RABGAP1L: variants seen among roughly 807,000 people sequenced by gnomAD.
RABGAP1L encodes RAB GTPase activating protein 1 like, also known as rab GTPase-activating protein 1-like.
A neutral mutation model predicts 137.7 loss-of-function variants in RABGAP1L; 63 were observed. That is an observed-to-expected ratio of 0.46 (90% confidence interval 0.37 to 0.56). The LOEUF is 0.56. RABGAP1L is among the 20% of genes least tolerant of loss of function. The probability of loss-of-function intolerance (pLI) is 0.00; values close to 1 mark genes in which losing one functional copy is unlikely to be tolerated. For missense variants in RABGAP1L, 1,095 were observed against 1,244.0 expected (o/e 0.88, Z 1.80); for synonymous variants, 431 against 433.7 (o/e 0.99, Z 0.08).
intron 9 of RABGAP1L, 149 bp from the exon 10 acceptor site, chr1:174,278,464 A>C: frequency 1.7e-6 from 1 of 604,060 alleles, no homozygotes; most frequent in Non-Finnish European, 2.8e-6. Flanking sequence ...ATACTTATTT[A>C]ATCAAAATGT....
chr1:174,972,248 A>G (rs939861361), intron 21 of RABGAP1L, among the ~76,000 whole-genome samples: 3 of 152,234 alleles, frequency 2.0e-5, no homozygotes, highest in African/African-American at 7.2e-5. Flanking sequence ...CACCATAGCA[A>G]GTTCTGTTAG....
intron 4 of RABGAP1L, among the ~76,000 whole-genome samples, chr1:174,233,183 C>T (rs956451563): frequency 2.0e-5 from 3 of 152,070 alleles, no homozygotes; most frequent in Admixed American, 1.3e-4. Context: ...TTCTGTCTCC[C>T]TCCTCCCTTC....
chr1:174,941,457 T>C (rs1665859580), intron 19 of RABGAP1L, among the ~76,000 whole-genome samples: 2 of 152,200 alleles, frequency 1.3e-5, no homozygotes. Flanking sequence ...TGATTAGAAA[T>C]ACCATACAGG....
chr1:174,811,049 C>A (rs1689824732), intron 18 of RABGAP1L, among the ~76,000 whole-genome samples: 1 of 152,078 alleles, frequency 6.6e-6, no homozygotes, highest in African/African-American at 2.4e-5. Context: ...TTGCAGGGAG[C>A]CATGATTGCA....
intron 19 of RABGAP1L, among the ~76,000 whole-genome samples, chr1:174,834,727 AATAC>A (rs1220115528): frequency 1.3e-5 from 2 of 152,004 alleles, no homozygotes; most frequent in African/African-American, 4.8e-5. Context: ...TTTATATGCA[AATAC>A]ATTTCATCAT....
chr1:174,756,987 C>T, intron 18 of RABGAP1L: 2 of 928,356 alleles, frequency 2.2e-6, no homozygotes, highest in Non-Finnish European at 3.3e-6. Context: ...TGGCCAAGGA[C>T]AACATAGGCC....
At chr1:174,755,708 A>ATATG (rs1013430920) in intron 18 of RABGAP1L, among the ~76,000 whole-genome samples, 23 of 152,208 alleles carry the variant, frequency 1.5e-4, no homozygotes, top group African/African-American at 5.1e-4. Context: ...ACATATGTAT[A>ATATG]TATGTATGTA....
chr1:174,197,452 G>T (rs770237233), intron 1 of RABGAP1L, among the ~76,000 whole-genome samples: 1 of 152,224 alleles, frequency 6.6e-6, no homozygotes, highest in African/African-American at 2.4e-5. Context: ...GGTGAAAGGA[G>T]CCCCTGAGTT....
chr1:174,858,998 G>T (rs552158531), intron 19 of RABGAP1L, among the ~76,000 whole-genome samples: 1 of 152,224 alleles, frequency 6.6e-6, no homozygotes, highest in African/African-American at 2.4e-5. Context: ...AAAAGATAGT[G>T]TGGCGATTCC....
chr1:174,533,813 G>A (rs749535343), intron 13 of RABGAP1L, among the ~76,000 whole-genome samples: 2 of 152,040 alleles, frequency 1.3e-5, no homozygotes, highest in Non-Finnish European at 2.9e-5. Flanking sequence ...TGGGATTACA[G>A]GTGCCCGCCA....
chr1:174,527,882 T>C (rs562319516), intron 13 of RABGAP1L, among the ~76,000 whole-genome samples: 40 of 150,704 alleles, frequency 2.7e-4, no homozygotes, highest in African/African-American at 9.1e-4. Context: ...GAATAATTAC[T>C]TTATCATTAT....
intron 19 of RABGAP1L, among the ~76,000 whole-genome samples, chr1:174,936,051 A>T (rs1051422153): frequency 2.0e-5 from 3 of 150,022 alleles, no homozygotes; most frequent in Admixed American, 6.6e-5. Context: ...CAGTATGTAG[A>T]TTTAAATTTA....
chr1:174,692,585 T>C (rs1443859427), intron 15 of RABGAP1L, among the ~76,000 whole-genome samples: 1 of 152,204 alleles, frequency 6.6e-6, no homozygotes. Flanking sequence ...GTCACTTATA[T>C]GAAAAGCAGC....
At chr1:174,192,717 G>A (rs1275411710) in intron 1 of RABGAP1L, among the ~76,000 whole-genome samples, 2 of 152,134 alleles carry the variant, frequency 1.3e-5, no homozygotes, top group African/African-American at 2.4e-5. Flanking sequence ...TAGAAAATGT[G>A]GTGAATATTA....
At chr1:174,201,725 T>A (rs1668119386) in intron 1 of RABGAP1L, among the ~76,000 whole-genome samples, 1 of 151,500 alleles carries the variant, frequency 6.6e-6, no homozygotes, top group Non-Finnish European at 1.5e-5. Context: ...TATGTATACA[T>A]GTGCCATGTT....
Position 174,407,118 on chromosome 1 carries a change from A to G in RABGAP1L, c.1710+12973A>G, listed in dbSNP as rs768866326. On this transcript the variant is annotated intron_variant, in intron 13 of 25. Coordinates refer to ENST00000681986, the MANE Select transcript of RABGAP1L (RefSeq NM_001366446.1). ...AAATTTATGTTTAGATGTGTTTACTATTGATTACGGCTGAGGTGAAAAAAG... is the reference window on the plus strand; with the variant it reads ...AAATTTATGTTTAGATGTGTTTACTGTTGATTACGGCTGAGGTGAAAAAAG... Among the ~76,000 whole-genome samples, 28 of 152,126 alleles carry G rather than the reference A, an allele frequency of 1.8e-4. 1 individual carries two copies. Among genetic ancestry groups the G allele is most frequent in the African/African-American group, 6.5e-4 (27 of 41,428 alleles).
chr1:174,168,264 C>CAAAAA (rs3056992), intron 1 of RABGAP1L, among the ~76,000 whole-genome samples: 2 of 64,712 alleles, frequency 3.1e-5, no homozygotes, highest in African/African-American at 5.8e-5. Context: ...GACTCGGTCT[C>CAAAAA]AAAAAAAAAA....
chr1:174,833,449 G>GATATATATAAATATAT (rs1692369264), intron 19 of RABGAP1L, among the ~76,000 whole-genome samples: 1 of 27,828 alleles, frequency 3.6e-5, no homozygotes, highest in African/African-American at 6.6e-5. Context: ...TGTGTGTAGA[G>GATATATATAAATATAT]ATATATATAT....
At chr1:174,165,273 C>T (rs2148199070) in intron 1 of RABGAP1L, among the ~76,000 whole-genome samples, 1 of 152,244 alleles carries the variant, frequency 6.6e-6, no homozygotes, top group East Asian at 1.9e-4. Context: ...GTCAGCCTCC[C>T]TGAGTAGCTG....
Sources: allele counts gnomAD v4.1 joint callset (sites outside exome capture counted in the v4.1 genomes callset), GRCh38; gene constraint gnomAD v4.1.1; transcripts MANE v1.5; gene names NCBI Gene and HGNC (gene_info 2026-07-23, HGNC 2026-07-21).